AHCYL2: variants seen among roughly 807,000 people sequenced by gnomAD.
AHCYL2 encodes adenosylhomocysteinase like 2, also known as S-adenosylhomocysteine hydrolase-like protein 2.
A neutral mutation model predicts 81.4 loss-of-function variants in AHCYL2; 28 were observed. That is an observed-to-expected ratio of 0.34 (90% confidence interval 0.25 to 0.47). The LOEUF (loss-of-function observed/expected upper bound fraction) is 0.47, where lower values mean the gene tolerates loss of function less well. AHCYL2 is among the 20% of genes least tolerant of loss of function. AHCYL2 has a pLI of 1.00. For missense variants in AHCYL2, 551 were observed against 785.1 expected (o/e 0.70, Z 3.56); for synonymous variants, 272 against 290.2 (o/e 0.94, Z 0.64).
intron 1 of AHCYL2, among the ~76,000 whole-genome samples, chr7:129,352,937 C>CTTTTTTT (rs59762582): frequency 8.9e-4 from 73 of 82,476 alleles, no homozygotes; most frequent in Admixed American, 1.2e-3. Context: ...CCTCCTCATT[C>CTTTTTTT]TTTTTTTTTT....
intron 1 of AHCYL2, among the ~76,000 whole-genome samples, chr7:129,361,373 T>A (rs1793924924): frequency 1.3e-5 from 2 of 152,214 alleles, no homozygotes; most frequent in South Asian, 4.1e-4. Context: ...CCTTGCCATA[T>A]ACTCCCATGT....
intron 5 of AHCYL2, among the ~76,000 whole-genome samples, chr7:129,399,789 C>T (rs1267781287): frequency 1.3e-5 from 2 of 148,326 alleles, no homozygotes; most frequent in Admixed American, 6.7e-5. Context: ...TGCAGTGGCA[C>T]GATCTTGGCT....
chr7:129,246,250 G>T (rs549654520), intron 1 of AHCYL2, among the ~76,000 whole-genome samples: 127 of 152,080 alleles, frequency 8.4e-4, no homozygotes, highest in African/African-American at 2.7e-3. Context: ...TAGAGACAGG[G>T]TTTCTCCATG....
intron 1 of AHCYL2, among the ~76,000 whole-genome samples, chr7:129,299,718 C>T (rs970579350): frequency 2.0e-5 from 3 of 152,002 alleles, no homozygotes; most frequent in African/African-American, 7.3e-5. Flanking sequence ...GGAGTACTTC[C>T]GTAACAAAGA....
intron 1 of AHCYL2, among the ~76,000 whole-genome samples, chr7:129,302,031 T>G (rs908541807): frequency 1.3e-5 from 2 of 152,170 alleles, no homozygotes; most frequent in African/African-American, 4.8e-5. Flanking sequence ...TTTTTCTTGG[T>G]GCAGGGGGTA....
intron 1 of AHCYL2, among the ~76,000 whole-genome samples, chr7:129,331,703 G>A (rs936866985): frequency 4.6e-5 from 7 of 151,882 alleles, no homozygotes; most frequent in Admixed American, 1.3e-4. Flanking sequence ...TTAGCCAGGC[G>A]AGGTAGCACA....
At chr7:129,254,642 C>T (rs1795350224) in intron 1 of AHCYL2, among the ~76,000 whole-genome samples, 1 of 152,192 alleles carries the variant, frequency 6.6e-6, no homozygotes, top group African/African-American at 2.4e-5. Flanking sequence ...TTCTTTGTGG[C>T]ACCATACTCC....
intron 1 of AHCYL2, among the ~76,000 whole-genome samples, chr7:129,313,646 G>A (rs1316455285): frequency 6.6e-6 from 1 of 152,124 alleles, no homozygotes; most frequent in African/African-American, 2.4e-5. Context: ...AACAGATTGG[G>A]ATAGTACAAA....
intron 2 of AHCYL2, among the ~76,000 whole-genome samples, chr7:129,383,228 C>T (rs1325444364): frequency 6.6e-6 from 1 of 151,946 alleles, no homozygotes; most frequent in Non-Finnish European, 1.5e-5. Context: ...TGTAGTGGCA[C>T]AATCATGGCT....
chr7:129,403,940 C>T (rs1440035970), intron 7 of AHCYL2, among the ~76,000 whole-genome samples: 2 of 145,646 alleles, frequency 1.4e-5, no homozygotes, highest in East Asian at 3.9e-4. Flanking sequence ...ATGAGGTGAC[C>T]AGATCTCAGC....
Position 129,406,243 on chromosome 7 carries a change from C to T in AHCYL2, c.1207-135C>T, listed in dbSNP as rs1323844230. On this transcript the variant is annotated intron_variant, in intron 9 of 16. Transcript: ENST00000325006. The surrounding 1 kb of genome is among the most constrained non-coding windows in gnomAD (Gnocchi z 4.3). The stretch of plus-strand genomic sequence containing the variant: ...GCTGCATTCAATTATTTGTTCTTCT[C>T]GTTTTCCCCAAGTATGAATCTATTC... The T allele has an allele frequency of 1.8e-5, 13 of 738,764 alleles. No individual in the cohort carries two copies. The highest frequency in any genetic ancestry group is 5.3e-5 in the African/African-American group (3 of 56,416). The allele number at this position is 738,764 out of a possible 1,614,324, so 45.8% of individuals were successfully genotyped here. A position where few individuals can be genotyped will look rare whatever the true frequency, so the allele number is the denominator to read the frequency against.
chr7:129,225,519 C>T (rs2150666727), intron 1 of AHCYL2, 80 bp downstream of exon 1: 10 of 1,406,086 alleles, frequency 7.1e-6, no homozygotes, highest in Middle Eastern at 2.2e-4. Context: ...GCGGCACCAC[C>T]CTCCACGCCC....
chr7:129,412,078 G>A (rs1003254755), intron 11 of AHCYL2, among the ~76,000 whole-genome samples: 2 of 151,904 alleles, frequency 1.3e-5, no homozygotes, highest in African/African-American at 4.8e-5. Flanking sequence ...GCTGGGTGTG[G>A]TGGCTCACAC....
chr7:129,268,128 A>T (rs1306032995), intron 1 of AHCYL2, among the ~76,000 whole-genome samples: 1 of 152,188 alleles, frequency 6.6e-6, no homozygotes, highest in East Asian at 1.9e-4. Flanking sequence ...GTAATTTAGT[A>T]AATTTAAACT....
At chr7:129,400,799 T>G (rs1795995883) in intron 6 of AHCYL2, among the ~76,000 whole-genome samples, 1 of 152,128 alleles carries the variant, frequency 6.6e-6, no homozygotes, top group Admixed American at 6.5e-5. Flanking sequence ...ATCCATATAC[T>G]TGTAATGTTA....
intron 1 of AHCYL2, among the ~76,000 whole-genome samples, chr7:129,357,806 C>T (rs1312687566): frequency 2.6e-5 from 4 of 151,442 alleles, no homozygotes; most frequent in African/African-American, 7.3e-5. Flanking sequence ...TGGTGGCGGG[C>T]GCCTGTAGTC....
chr7:129,371,145 A>C (rs1346609387), intron 1 of AHCYL2, among the ~76,000 whole-genome samples: 3 of 152,220 alleles, frequency 2.0e-5, no homozygotes, highest in Non-Finnish European at 4.4e-5. Context: ...CAAAGTTTCA[A>C]TTTAAAGTTT....
intron 5 of AHCYL2, among the ~76,000 whole-genome samples, chr7:129,399,446 CAA>C (rs560832840): frequency 4.0e-5 from 5 of 125,782 alleles, no homozygotes; most frequent in African/African-American, 2.9e-5. Flanking sequence ...GACTCCGTCT[CAA>C]AAAAAAAAAA....
chr7:129,418,330 C>T (rs190993140), intron 12 of AHCYL2, among the ~76,000 whole-genome samples: 23 of 152,104 alleles, frequency 1.5e-4, no homozygotes, highest in Admixed American at 1.2e-3. Flanking sequence ...GACAGAGTCT[C>T]GCTCTGTTGC....
Sources: gnomAD v4.1 joint callset for allele counts (sites outside exome capture counted in the v4.1 genomes callset) on GRCh38, gnomAD v4.1.1 for gene constraint, Gnocchi (gnomAD v3.1) non-coding constraint, MANE v1.5 for transcripts, NCBI Gene and HGNC (gene_info 2026-07-23, HGNC 2026-07-21) for gene names.